The following HECTD4 variants were observed in gnomAD, a reference collection of about 807,000 sequenced individuals.
HECTD4 encodes HECT domain E3 ubiquitin protein ligase 4.
Under a neutral mutation model 471.5 loss-of-function variants are expected in HECTD4, and 114 were observed. That is an observed-to-expected ratio of 0.24 (90% CI 0.21 to 0.28). The LOEUF is 0.28. Among genes scored for constraint, HECTD4 ranks in the 10% least tolerant of loss-of-function variants. The pLI is 1.00. For missense variants in HECTD4, 3,866 were observed against 5,651.5 expected (o/e 0.68, Z 10.13); for synonymous variants, 2,012 against 2,256.0 (o/e 0.89, Z 3.07).
In HECTD4 at chr12:112,381,772, G is replaced by C. The variant is rs1346006918; in HGVS notation, c.177+180C>G. Among the ~76,000 whole-genome samples, 3 of 152,100 alleles carry C rather than the reference G, an allele frequency of 2.0e-5. No homozygotes were observed. Among genetic ancestry groups the C allele is most frequent in the South Asian group, 2.1e-4 (1 of 4,826 alleles). ...CCCCGAGGAGGGAGGGAGGGAGAGC[G>C]GGGCGGGCGGTCCGCAGACCTGCGG... On this transcript the variant is annotated intron_variant, in intron 1 of 75. Transcript: ENST00000682272. The surrounding 1 kb of genome is among the most constrained non-coding windows in gnomAD (Gnocchi z 4.1).
intron 66 of HECTD4, among the ~76,000 whole-genome samples, chr12:112,175,317 C>T (rs1001332772): frequency 6.6e-6 from 1 of 152,150 alleles, no homozygotes. Flanking sequence ...GAGATTAGGA[C>T]ACAGGTAGGT....
At chr12:112,336,105 T>G (rs779683513) in intron 1 of HECTD4, among the ~76,000 whole-genome samples, 9 of 151,992 alleles carry the variant, frequency 5.9e-5, no homozygotes, top group African/African-American at 1.2e-4. Context: ...AAAAAATATA[T>G]TAAACTATAT....
In HECTD4 at chr12:112,162,972, G is replaced by T; in HGVS notation, c.13120+70C>A. 8.2e-7 allele frequency: 1 copy of T among 1,215,354 alleles called. No homozygotes were observed. The highest frequency in any genetic ancestry group is 1.2e-6 in the Non-Finnish European group (1 of 850,974). 75.3% of individuals were successfully genotyped at this position (1,215,354 alleles called of 1,614,324 possible). ...TTGTTCTCCCTTCACATGGGGCCTG[G>T]CAGCCCCAGTTCCAAACAGAGAAAG... On this transcript the variant is annotated intron_variant, in intron 75 of 75. Coordinates refer to ENST00000682272, the MANE Select transcript of HECTD4 (RefSeq NM_001388303.1). The surrounding 1 kb of genome is among the most constrained non-coding windows in gnomAD (Gnocchi z 5.2).
Position 112,176,552 on chromosome 12 carries a change from G to A in HECTD4, c.11470+44C>T, listed in dbSNP as rs1183472587. The A allele has an allele frequency of 3.7e-6, 5 of 1,366,998 alleles. No homozygotes were observed. In the Admixed American group the frequency reaches 5.1e-5, roughly 14 times the overall value. The allele number at this position is 1,366,998 out of a possible 1,614,324, so 84.7% of individuals were successfully genotyped here. ...TCGGGGGGTGCCTAGTCTCCAGGATGGAAGTAGGTCCCAGCCCACTCCAGG... is the reference window on the plus strand; with the variant it reads ...TCGGGGGGTGCCTAGTCTCCAGGATAGAAGTAGGTCCCAGCCCACTCCAGG... On this transcript the variant is annotated intron_variant, in intron 65 of 75. Coordinates refer to ENST00000682272, the MANE Select transcript of HECTD4 (RefSeq NM_001388303.1).
intron 32 of HECTD4, among the ~76,000 whole-genome samples, chr12:112,242,051 A>G (rs1487518520): frequency 1.3e-5 from 2 of 152,206 alleles, no homozygotes; most frequent in Non-Finnish European, 2.9e-5. Context: ...TTGAAGCCCA[A>G]TAGGAAACTC....
At chr12:112,174,947 G>T (rs141492644) in intron 66 of HECTD4, among the ~76,000 whole-genome samples, 32 of 152,328 alleles carry the variant, frequency 2.1e-4, no homozygotes, top group Non-Finnish European at 4.0e-4. Flanking sequence ...GAGCCAGAGG[G>T]AGGGCAGGGC....
In HECTD4 at chr12:112,172,865, G is replaced by A. The variant is rs375476295; in HGVS notation, c.11595-4C>T. 7.4e-6 allele frequency: 12 copies of A among 1,613,544 alleles called. No homozygotes were observed. The highest frequency in any genetic ancestry group is 6.7e-5 in the African/African-American group (5 of 74,926). ...TCGGACATCGATGCATGCGCACCTT[G>A]GGGTGGGGACAGGGGGAGAGGGGCA... On this transcript the variant is annotated splice_region_variant and splice_polypyrimidine_tract_variant and intron_variant, in intron 66 of 75. Coordinates refer to ENST00000682272, the MANE Select transcript of HECTD4 (RefSeq NM_001388303.1).
chr12:112,257,511 C>A (rs2034043712), intron 20 of HECTD4, among the ~76,000 whole-genome samples: 1 of 152,244 alleles, frequency 6.6e-6, no homozygotes, highest in Non-Finnish European at 1.5e-5. Context: ...CCTTCTTCCT[C>A]TTTGTAACCA....
chr12:112,227,734 G>A (rs976889074), intron 43 of HECTD4, among the ~76,000 whole-genome samples: 6 of 151,890 alleles, frequency 4.0e-5, no homozygotes, highest in African/African-American at 1.5e-4. Context: ...TGCCTCCCGA[G>A]TTCAAGCGAT....
rs1210147272 is a variant in HECTD4 at position 112,314,517 on chromosome 12, A to G, written c.725T>C (p.Val242Ala). The change falls in exon 3 of 76, where the codon GTC (valine) becomes GCC (alanine). Residue 242 changes from valine (V) to alanine (A), a missense_variant. By Grantham distance (64) the Val-to-Ala change is moderately conservative (BLOSUM62 0). Around this residue, in one of 16 missense-constraint regions of HECTD4, gnomAD observed 440 missense variants for 636.0 expected, o/e 0.69. Transcript: ENST00000682272. ...RGSLKTFVHT[V>A]HLLQKQTDLG... ...ATCCGTCTGTTTCTGTAATAGATGG[A>G]CTGTGTGGACGAAAGTTTTCAATGA... 5 of 1,529,972 alleles carry G rather than the reference A, an allele frequency of 3.3e-6. No homozygotes were observed. In the East Asian group the frequency reaches 7.3e-5, roughly 22 times the overall value. 94.8% of individuals were successfully genotyped at this position (1,529,972 alleles called of 1,614,324 possible).
At chr12:112,313,193 T>C in intron 3 of HECTD4, 46 bp from the exon 4 acceptor site, 1 of 1,484,736 alleles carries the variant, frequency 6.7e-7, no homozygotes, top group South Asian at 1.3e-5. Context: ...AGACAATCCA[T>C]TTCAGCAAGA....
At chr12:112,285,687 T>A (rs773314584) in intron 7 of HECTD4, among the ~76,000 whole-genome samples, 26 of 152,018 alleles carry the variant, frequency 1.7e-4, no homozygotes, top group Non-Finnish European at 3.4e-4. Flanking sequence ...CTCCCCCAAA[T>A]CCAACTCCGC....
chr12:112,375,828 A>G (rs2036765228), intron 1 of HECTD4, among the ~76,000 whole-genome samples: 1 of 151,862 alleles, frequency 6.6e-6, no homozygotes, highest in African/African-American at 2.4e-5. Flanking sequence ...CAAAACTTTG[A>G]GAGGTAGAGG....
At chr12:112,305,824 C>G (rs1432868298) in intron 7 of HECTD4, among the ~76,000 whole-genome samples, 1 of 152,242 alleles carries the variant, frequency 6.6e-6, no homozygotes, top group African/African-American at 2.4e-5. Context: ...CTTCTGTCTA[C>G]ACATTAAATA....
chr12:112,167,623 G>A lies in HECTD4; in HGVS notation c.12313-85C>T, dbSNP rs1593886940. ...CATGTGTTTCAAGCCACCATACCCTGTGGCAGGCAGGAGAGAAGTCACTGC... is the reference window on the plus strand; with the variant it reads ...CATGTGTTTCAAGCCACCATACCCTATGGCAGGCAGGAGAGAAGTCACTGC... On this transcript the variant is annotated intron_variant, in intron 71 of 75. Coordinates refer to ENST00000682272, the MANE Select transcript of HECTD4 (RefSeq NM_001388303.1). 6.7e-6 allele frequency: 8 copies of A among 1,189,688 alleles called. No individual in the cohort carries two copies. In the East Asian group the frequency reaches 2.0e-4, roughly 30 times the overall value. 73.7% of individuals were successfully genotyped at this position (1,189,688 alleles called of 1,614,324 possible).
chr12:112,162,501 G>C lies in HECTD4; in HGVS notation c.13143C>G (p.Ile4381Met). Reference sequence around the variant, plus strand: ...TCATGAACATGCAGGTCTCCACGCGGATGTAGCGAGAGTCTGGGGAACCTA... The same window carrying C: ...TCATGAACATGCAGGTCTCCACGCGCATGTAGCGAGAGTCTGGGGAACCTA... ...GTAGSPDSRY[I>M]RVETCMFMIK... The change falls in exon 76 of 76, where the codon ATC (isoleucine) becomes ATG (methionine). Residue 4381 changes from isoleucine (I) to methionine (M), a missense_variant. Coordinates refer to ENST00000682272, the MANE Select transcript of HECTD4 (RefSeq NM_001388303.1). The surrounding 1 kb of genome is among the most constrained non-coding windows in gnomAD (Gnocchi z 5.2). 5 of 1,614,050 alleles carry C rather than the reference G, an allele frequency of 3.1e-6. No individual in the cohort carries two copies. The South Asian group carries it at 5.5e-5, about 18-fold the overall frequency.
chr12:112,192,848 A>C (rs1157953497), intron 58 of HECTD4, 83 bp from the exon 59 acceptor site: 21 of 1,279,634 alleles, frequency 1.6e-5, no homozygotes, highest in Non-Finnish European at 1.8e-5. Flanking sequence ...TCACCAGGGG[A>C]CGTTAGATGA....
At chr12:112,217,318 TACACAC>T (rs201184790) in intron 45 of HECTD4, 123 bp from the exon 46 acceptor site, 5 of 470,654 alleles carry the variant, frequency 1.1e-5, no homozygotes, top group African/African-American at 2.1e-5. Context: ...CACACACACA[TACACAC>T]ACACACACAC....
At chr12:112,234,329 A>G (rs930735720) in intron 37 of HECTD4, among the ~76,000 whole-genome samples, 4 of 152,210 alleles carry the variant, frequency 2.6e-5, no homozygotes, top group Non-Finnish European at 5.9e-5. Flanking sequence ...AGATTTCCTC[A>G]TATAAGCCCT....
Sources: gnomAD v4.1 joint callset for allele counts (sites outside exome capture counted in the v4.1 genomes callset) on GRCh38, gnomAD v4.1.1 for gene constraint, gnomAD v4.1.1 regional missense constraint, Gnocchi (gnomAD v3.1) non-coding constraint, MANE v1.5 for transcripts, NCBI Gene and HGNC (gene_info 2026-07-23, HGNC 2026-07-21) for gene names.